The following PCDH7 variants were observed in gnomAD, a reference collection of about 807,000 sequenced individuals.
The protein encoded by PCDH7 is protocadherin-7.
PCDH7 carries 17 observed loss-of-function variants against 58.9 expected under a neutral mutation model. The observed-to-expected ratio is 0.29, with a 90% CI of 0.20 to 0.43. PCDH7 has a LOEUF of 0.43. PCDH7 is among the 20% of genes least tolerant of loss of function. The pLI, the probability that PCDH7 is intolerant of heterozygous loss-of-function variation, is 1.00. For missense variants in PCDH7, 1,274 were observed against 1,441.0 expected (o/e 0.88, Z 1.88); for synonymous variants, 664 against 616.4 (o/e 1.08, Z -1.14).
chr4:30,791,785 A>G (rs769203645), intron 1 of PCDH7, among the ~76,000 whole-genome samples: 17 of 152,236 alleles, frequency 1.1e-4, no homozygotes, highest in Admixed American at 2.0e-4. Context: ...TCTCTGTCAC[A>G]AACCGATGAT....
chr4:30,961,305 G>A (rs1238060844), intron 3 of PCDH7, among the ~76,000 whole-genome samples: 1 of 151,788 alleles, frequency 6.6e-6, no homozygotes. Flanking sequence ...AGCACTTTGG[G>A]AGGCCGAGGC....
At chr4:30,741,658 C>G (rs139362488) in intron 1 of PCDH7, among the ~76,000 whole-genome samples, 55 of 152,296 alleles carry the variant, frequency 3.6e-4, no homozygotes, top group African/African-American at 1.3e-3. Context: ...TGGAAACAAC[C>G]AACTTAGAGG....
intron 3 of PCDH7, among the ~76,000 whole-genome samples, chr4:31,094,337 G>C (rs1713660769): frequency 6.6e-6 from 1 of 152,158 alleles, no homozygotes; most frequent in South Asian, 2.1e-4. Context: ...CATCCATTTA[G>C]ATTTTTGCAT....
In PCDH7 at chr4:30,920,384, A is replaced by T. The variant is rs1398899794; in HGVS notation, c.287+15A>T. Reference sequence around the variant, plus strand: ...TATGGAAAATGGTAGGGGCAAACACAACATCCACACACATAATCACGCTAG... The same window carrying T: ...TATGGAAAATGGTAGGGGCAAACACTACATCCACACACATAATCACGCTAG... On this transcript the variant is annotated intron_variant, in intron 2 of 3. Transcript: ENST00000509759. 1.5e-6 allele frequency: 2 copies of T among 1,361,998 alleles called. No individual in the cohort carries two copies. The highest frequency in any genetic ancestry group is 1.5e-5 in the African/African-American group (1 of 67,648). 84.4% of individuals were successfully genotyped at this position (1,361,998 alleles called of 1,614,324 possible).
intron 1 of PCDH7, among the ~76,000 whole-genome samples, chr4:30,882,074 T>G: frequency 6.6e-6 from 1 of 150,426 alleles, no homozygotes. Flanking sequence ...CTACCTCTCA[T>G]CCTCCTCCTC....
rs1444610749 is a variant in PCDH7 at position 31,103,772 on chromosome 4, C to A, written c.*8-38701C>A. ...TGACTGTTCCTCCAATAATGGATCTCATATACCCACGTACCTATTTAGAAA... is the reference window on the plus strand; with the variant it reads ...TGACTGTTCCTCCAATAATGGATCTAATATACCCACGTACCTATTTAGAAA... On this transcript the variant is annotated intron_variant, in intron 3 of 3. Transcript: ENST00000509759. 5.3e-5 allele frequency among the ~76,000 whole-genome samples: 8 copies of A among 152,168 alleles called. No individual in the cohort carries two copies. In the East Asian group the frequency reaches 1.5e-3, roughly 29 times the overall value.
intron 3 of PCDH7, among the ~76,000 whole-genome samples, chr4:31,114,092 T>C (rs11931806): frequency 0.11 from 16,341 of 152,082 alleles, 1,163 homozygotes; most frequent in East Asian, 0.26. Context: ...CCTTGGCCTC[T>C]CAAATTGCTG....
intron 1 of PCDH7, among the ~76,000 whole-genome samples, chr4:30,849,079 T>C (rs1357253681): frequency 6.6e-6 from 1 of 152,090 alleles, no homozygotes; most frequent in African/African-American, 2.4e-5. Flanking sequence ...CACATTCACT[T>C]ATTTGTGGTT....
At chr4:30,784,706 G>A (rs1309751260) in intron 1 of PCDH7, among the ~76,000 whole-genome samples, 1 of 151,800 alleles carries the variant, frequency 6.6e-6, no homozygotes, top group Non-Finnish European at 1.5e-5. Context: ...GAAAAGAAGA[G>A]AAATACTATT....
At chr4:31,087,188 A>G (rs1442870642) in intron 3 of PCDH7, among the ~76,000 whole-genome samples, 2 of 152,096 alleles carry the variant, frequency 1.3e-5, no homozygotes, top group Admixed American at 1.3e-4. Flanking sequence ...CTGTTCGAAT[A>G]ATTTCTACAT....
chr4:30,942,049 A>G (rs1746102679), intron 2 of PCDH7, among the ~76,000 whole-genome samples: 1 of 151,892 alleles, frequency 6.6e-6, no homozygotes, highest in Non-Finnish European at 1.5e-5. Context: ...ACTAGACTTT[A>G]TGCTACTTGA....
intron 1 of PCDH7, among the ~76,000 whole-genome samples, chr4:30,808,269 C>T (rs999062760): frequency 5.3e-5 from 8 of 152,250 alleles, no homozygotes; most frequent in Middle Eastern, 3.4e-3. Context: ...CTAAAATATT[C>T]GGTAATTTTT....
chr4:30,744,558 A>G (rs1717524080), intron 1 of PCDH7, among the ~76,000 whole-genome samples: 1 of 152,196 alleles, frequency 6.6e-6, no homozygotes, highest in Non-Finnish European at 1.5e-5. Context: ...TTCAGGAATA[A>G]TTATAATGTA....
intron 3 of PCDH7, among the ~76,000 whole-genome samples, chr4:31,013,151 C>T (rs1254129106): frequency 6.7e-6 from 1 of 150,206 alleles, no homozygotes; most frequent in Non-Finnish European, 1.5e-5. Context: ...ATGATCACAC[C>T]ACTGTGCTCC....
At chr4:30,824,767 G>C (rs1244553651) in intron 1 of PCDH7, among the ~76,000 whole-genome samples, 1 of 152,068 alleles carries the variant, frequency 6.6e-6, no homozygotes, top group African/African-American at 2.4e-5. Context: ...AGGTACTTGG[G>C]GTTTTCTGAA....
intron 1 of PCDH7, among the ~76,000 whole-genome samples, chr4:30,858,143 T>G (rs1578069254): frequency 6.6e-6 from 1 of 152,310 alleles, no homozygotes; most frequent in South Asian, 2.1e-4. Context: ...TCACCAGTAA[T>G]GCTTCAAGTT....
chr4:30,917,771 T>C (rs1001810670), intron 1 of PCDH7, among the ~76,000 whole-genome samples: 37 of 152,222 alleles, frequency 2.4e-4, no homozygotes, highest in Admixed American at 2.2e-3. Flanking sequence ...CATTATTTTA[T>C]TGTTAACATT....
intron 3 of PCDH7, among the ~76,000 whole-genome samples, chr4:31,105,141 C>T (rs767222151): frequency 6.6e-6 from 1 of 152,122 alleles, no homozygotes; most frequent in Non-Finnish European, 1.5e-5. Context: ...TAGCTTTGAA[C>T]TGATGTGTTC....
intron 1 of PCDH7, among the ~76,000 whole-genome samples, chr4:30,833,889 A>G (rs1730131758): frequency 6.6e-6 from 1 of 152,216 alleles, no homozygotes; most frequent in African/African-American, 2.4e-5. Context: ...AACACTTTGT[A>G]TGAAGGAAGG....
Sources: gnomAD v4.1 joint callset for allele counts (sites outside exome capture counted in the v4.1 genomes callset) on GRCh38, gnomAD v4.1.1 for gene constraint, MANE v1.5 for transcripts, NCBI Gene and HGNC (gene_info 2026-07-23, HGNC 2026-07-21) for gene names.